The following KCNG3 variants were observed in gnomAD, a reference collection of about 807,000 sequenced individuals.
The protein encoded by KCNG3 is voltage-gated potassium channel regulatory subunit KCNG3.
Under a neutral mutation model 29.0 loss-of-function variants are expected in KCNG3, and 15 were observed. The ratio of observed to expected loss-of-function variants is 0.52; its 90% CI spans 0.35 to 0.80. The LOEUF (loss-of-function observed/expected upper bound fraction) is 0.80, where lower values mean the gene tolerates loss of function less well. Among genes scored for constraint, KCNG3 ranks in the 30% least tolerant of loss-of-function variants. KCNG3 has a pLI of 0.01. For synonymous variants in KCNG3, 322 were observed against 248.9 expected (o/e 1.29, Z -2.76); for missense variants, 512 against 605.7 (o/e 0.85, Z 1.62).
At chr2:42,459,582 C>G (rs1672965246) in intron 1 of KCNG3, among the ~76,000 whole-genome samples, 1 of 152,184 alleles carries the variant, frequency 6.6e-6, no homozygotes, top group Non-Finnish European at 1.5e-5. Flanking sequence ...ATTCACCATG[C>G]AACAAAGCTC....
downstream of KCNG3, among the ~76,000 whole-genome samples, chr2:42,439,161 AT>A (rs1281172856): frequency 6.6e-6 from 1 of 152,112 alleles, no homozygotes; most frequent in African/African-American, 2.4e-5. Flanking sequence ...TTACTTATGC[AT>A]TTGTCTCAAG....
chr2:42,429,393 G>A, the KCNG3 span, among the ~76,000 whole-genome samples: 1 of 152,160 alleles, frequency 6.6e-6, no homozygotes, highest in African/African-American at 2.4e-5. Flanking sequence ...ATCAGCCATG[G>A]CCTCTGCCCA....
the KCNG3 span, among the ~76,000 whole-genome samples, chr2:42,430,453 TA>T: frequency 5.9e-5 from 9 of 151,676 alleles, no homozygotes; most frequent in African/African-American, 1.7e-4. Flanking sequence ...TCAAAATACT[TA>T]AAAATATTAA....
chr2:42,460,458 G>C (rs1211425978), intron 1 of KCNG3, among the ~76,000 whole-genome samples: 1 of 152,152 alleles, frequency 6.6e-6, no homozygotes, highest in African/African-American at 2.4e-5. Flanking sequence ...CAAAGGGTAA[G>C]ATATACCCTC....
At chr2:42,455,079 C>G (rs1032458365) in intron 1 of KCNG3, among the ~76,000 whole-genome samples, 1 of 152,160 alleles carries the variant, frequency 6.6e-6, no homozygotes, top group Admixed American at 6.5e-5. Context: ...AAAGAGCAAA[C>G]ATATGAGCAG....
intron 1 of KCNG3, chr2:42,470,251 T>C: frequency 2.5e-6 from 1 of 407,522 alleles, no homozygotes; most frequent in Non-Finnish European, 4.7e-6. Flanking sequence ...CTACAGCCTC[T>C]GTCCTGGTCG....
intron 1 of KCNG3, among the ~76,000 whole-genome samples, chr2:42,483,264 T>C (rs573953811): frequency 7.2e-5 from 11 of 152,334 alleles, no homozygotes; most frequent in Middle Eastern, 3.4e-3. Context: ...TTATCATCAA[T>C]AAAGAATAGT....
intron 1 of KCNG3, among the ~76,000 whole-genome samples, chr2:42,482,501 GA>G (rs1673613309): frequency 6.6e-6 from 1 of 152,060 alleles, no homozygotes; most frequent in East Asian, 1.9e-4. Context: ...AAGGTGGGTG[GA>G]TCACAAGGTC....
At chr2:42,391,595 C>CTTTTTTT in the KCNG3 span, among the ~76,000 whole-genome samples, 68 of 88,110 alleles carry the variant, frequency 7.7e-4, 2 homozygotes, top group Non-Finnish European at 9.1e-4. Flanking sequence ...TTTTATATCT[C>CTTTTTTT]TTTTTTTTTT....
At chr2:42,409,897 G>A in the KCNG3 span, among the ~76,000 whole-genome samples, 1 of 151,852 alleles carries the variant, frequency 6.6e-6, no homozygotes, top group Non-Finnish European at 1.5e-5. Context: ...CCAGCCAGCT[G>A]CCTACTACAC....
chr2:42,435,355 C>G, the KCNG3 span, among the ~76,000 whole-genome samples: 1 of 152,110 alleles, frequency 6.6e-6, no homozygotes, highest in East Asian at 1.9e-4. Flanking sequence ...AGTAAATCTT[C>G]ATGACCTTCA....
At chr2:42,472,600 A>C (rs535072111) in intron 1 of KCNG3, among the ~76,000 whole-genome samples, 1 of 149,516 alleles carries the variant, frequency 6.7e-6, no homozygotes, top group Non-Finnish European at 1.5e-5. Flanking sequence ...CCTGGGTTCC[A>C]GCGATTCTCC....
In KCNG3 at chr2:42,444,299, G is replaced by C. The variant is rs769751745; in HGVS notation, c.946C>G (p.Leu316Val). 1.9e-6 allele frequency: 3 copies of C among 1,614,182 alleles called. No homozygotes were observed. The South Asian group carries it at 3.3e-5, about 18-fold the overall frequency. The change falls in exon 2 of 2, where the codon CTC becomes GTC. Residue 316 changes from leucine (L) to valine (V), a missense_variant. Leu to Val is a conservative substitution (Grantham distance 32). Around this residue, in one of 5 missense-constraint regions of KCNG3, gnomAD observed 173 missense variants for 262.4 expected, o/e 0.66. Transcript: ENST00000306078. This position sits in a 1 kb window ranked among gnomAD's most constrained non-coding sequence, Gnocchi z 5.8. ...FIGLQTLGLT[L>V]KRCYREMVML... Reference sequence around the variant, plus strand: ...ACCATCTCTCGGTAGCAACGTTTGAGAGTCAAACCGAGTGTCTGAAGACCA... The same window carrying C: ...ACCATCTCTCGGTAGCAACGTTTGACAGTCAAACCGAGTGTCTGAAGACCA...
the KCNG3 span, among the ~76,000 whole-genome samples, chr2:42,435,122 G>A: frequency 6.6e-6 from 1 of 152,064 alleles, no homozygotes; most frequent in Non-Finnish European, 1.5e-5. Context: ...AGTCAACATG[G>A]GGAAACCCTG....
the KCNG3 span, among the ~76,000 whole-genome samples, chr2:42,431,093 C>T: frequency 3.4e-4 from 50 of 145,888 alleles, no homozygotes; most frequent in Admixed American, 2.1e-4. Context: ...GCAGACAAAG[C>T]GAGACCCTGT....
the KCNG3 span, among the ~76,000 whole-genome samples, chr2:42,420,231 CAAAAAAT>C: frequency 6.6e-6 from 1 of 151,584 alleles, no homozygotes; most frequent in South Asian, 2.1e-4. Context: ...AACTCCGTCT[CAAAAAAT>C]AAAAAATAAA....
At chr2:42,434,357 G>A in the KCNG3 span, among the ~76,000 whole-genome samples, 1 of 149,896 alleles carries the variant, frequency 6.7e-6, no homozygotes, top group Non-Finnish European at 1.5e-5. Context: ...TCAGGAGGCT[G>A]AGACAGGAAG....
chr2:42,406,083 C>T, the KCNG3 span, among the ~76,000 whole-genome samples: 1 of 152,076 alleles, frequency 6.6e-6, no homozygotes, highest in African/African-American at 2.4e-5. Flanking sequence ...GACATGTTTT[C>T]AATATTGTTG....
chr2:42,493,041 A>C lies in KCNG3; in HGVS notation c.461T>G (p.Leu154Arg). 6.6e-7 allele frequency: 1 copy of C among 1,520,140 alleles called. No homozygotes were observed. The highest frequency in any genetic ancestry group is 8.8e-7 in the Non-Finnish European group (1 of 1,139,014). 94.2% of individuals were successfully genotyped at this position (1,520,140 alleles called of 1,614,324 possible). The change falls in exon 1 of 2, where the codon CTG becomes CGG. Residue 154 changes from leucine (L) to arginine (R), a missense_variant. Leu to Arg is a moderately radical substitution (Grantham distance 102, BLOSUM62 -2). Around this residue, in one of 5 missense-constraint regions of KCNG3, gnomAD observed 228 missense variants for 200.0 expected, o/e 1.14. Coordinates refer to ENST00000306078, the MANE Select transcript of KCNG3 (RefSeq NM_133329.6). ...CTCGAAGGTCCGCCGCATGCGCTCCAGCCAGCGCCTGGAGGGAGCCGCCTC... is the reference window on the plus strand; with the variant it reads ...CTCGAAGGTCCGCCGCATGCGCTCCCGCCAGCGCCTGGAGGGAGCCGCCTC... ...GAEAAPSRRW[L>R]ERMRRTFEEP...
Sources: allele counts gnomAD v4.1 joint callset (sites outside exome capture counted in the v4.1 genomes callset), GRCh38; gene constraint gnomAD v4.1.1; regional missense constraint gnomAD v4.1.1; non-coding constraint Gnocchi (gnomAD v3.1); transcripts MANE v1.5; gene names NCBI Gene and HGNC (gene_info 2026-07-23, HGNC 2026-07-21).